Variants in ARFGEF1 observed in about 807,000 individuals in gnomAD.
The protein encoded by ARFGEF1 is brefeldin A-inhibited guanine nucleotide-exchange protein 1.
ARFGEF1 carries 42 observed loss-of-function variants against 231.0 expected under a neutral mutation model. The observed-to-expected ratio is 0.18, with a 90% CI of 0.14 to 0.24. The LOEUF (loss-of-function observed/expected upper bound fraction) is 0.24, where lower values mean the gene tolerates loss of function less well. ARFGEF1 is among the 10% of genes least tolerant of loss of function. The pLI is 1.00. For missense variants in ARFGEF1, 1,345 were observed against 2,192.0 expected, an observed-to-expected ratio of 0.61 and a Z score of 7.72; for synonymous variants, 710 against 732.3, an observed-to-expected ratio of 0.97 and a Z score of 0.49.
chr8:67,262,095 G>C (rs1804647893), intron 14 of ARFGEF1, among the ~76,000 whole-genome samples: 1 of 152,156 alleles, frequency 6.6e-6, no homozygotes, highest in Admixed American at 6.5e-5. Context: ...AGATACTTCT[G>C]TTGAATCTGG....
intron 5 of ARFGEF1, among the ~76,000 whole-genome samples, chr8:67,296,028 G>A (rs1806217659): frequency 6.6e-6 from 1 of 152,092 alleles, no homozygotes; most frequent in African/African-American, 2.4e-5. Context: ...TTATCATACA[G>A]GGGAAAAAAC....
chr8:67,229,274 T>C (rs1305191448), intron 23 of ARFGEF1, among the ~76,000 whole-genome samples: 2 of 152,034 alleles, frequency 1.3e-5, no homozygotes, highest in Non-Finnish European at 2.9e-5. Context: ...CAGGACAGGG[T>C]GATTACAGTC....
At chr8:67,222,162 T>C (rs1021613575) in intron 29 of ARFGEF1, among the ~76,000 whole-genome samples, 34 of 133,834 alleles carry the variant, frequency 2.5e-4, no homozygotes, top group Non-Finnish European at 7.6e-5. Context: ...ACCTTTTCCA[T>C]GCATATATAT....
chr8:67,195,039 A>G (rs1451394606), downstream of ARFGEF1, among the ~76,000 whole-genome samples: 1 of 152,246 alleles, frequency 6.6e-6, no homozygotes, highest in Non-Finnish European at 1.5e-5. Flanking sequence ...TCCTGAGGTA[A>G]CAGTTACAAA....
intron 1 of ARFGEF1, among the ~76,000 whole-genome samples, chr8:67,328,906 G>C (rs1168241295): frequency 6.6e-6 from 1 of 152,150 alleles, no homozygotes; most frequent in Non-Finnish European, 1.5e-5. Flanking sequence ...AAAAAGGAAT[G>C]GAAATACTGT....
rs762123914 is a variant in ARFGEF1, at chr8:67,343,154, C to A, written c.124+10G>T. 1.2e-6 allele frequency: 2 copies of A among 1,603,726 alleles called. No homozygotes were observed. Among genetic ancestry groups the A allele is most frequent in the Non-Finnish European group, 1.7e-6 (2 of 1,175,728 alleles). On this transcript the variant is annotated intron_variant, in intron 1 of 38. Coordinates refer to ENST00000262215, the MANE Select transcript of ARFGEF1 (RefSeq NM_006421.5). ...AAGCACCCCATCCCCCGGGCCTCCT[C>A]CCCGCTCACCTAACGCCACCTCGCA...
At chr8:67,237,699 G>C (rs544272442) in intron 22 of ARFGEF1, among the ~76,000 whole-genome samples, 1 of 152,262 alleles carries the variant, frequency 6.6e-6, no homozygotes, top group South Asian at 2.1e-4. Flanking sequence ...TGCAAAAGCA[G>C]AAATTGAATC....
chr8:67,228,539 C>T (rs1038483277), intron 23 of ARFGEF1, among the ~76,000 whole-genome samples: 1 of 151,802 alleles, frequency 6.6e-6, no homozygotes, highest in Non-Finnish European at 1.5e-5. Context: ...TTACAAACCC[C>T]GGATAGATAT....
intron 22 of ARFGEF1, among the ~76,000 whole-genome samples, chr8:67,238,062 C>T (rs954249168): frequency 1.3e-5 from 2 of 152,186 alleles, no homozygotes; most frequent in Non-Finnish European, 2.9e-5. Context: ...AGCTTTCACA[C>T]ATTCAAGTTA....
At chr8:67,295,344 T>C (rs1339196283) in intron 5 of ARFGEF1, among the ~76,000 whole-genome samples, 1 of 152,126 alleles carries the variant, frequency 6.6e-6, no homozygotes, top group Non-Finnish European at 1.5e-5. Flanking sequence ...ACTAACTTCA[T>C]AGTGGAGGAA....
intron 1 of ARFGEF1, among the ~76,000 whole-genome samples, chr8:67,327,141 C>A (rs2128930722): frequency 6.6e-6 from 1 of 152,192 alleles, no homozygotes; most frequent in Non-Finnish European, 1.5e-5. Context: ...CAGCAACCTT[C>A]TTCCTTGATT....
At chr8:67,225,093 C>T (rs111852482) in intron 28 of ARFGEF1, 60 bp from the exon 29 acceptor site, 2 of 1,380,846 alleles carry the variant, frequency 1.4e-6, no homozygotes, top group Non-Finnish European at 9.6e-7. Flanking sequence ...ATTCAGTATA[C>T]TAACTTCTCA....
chr8:67,240,280 G>A lies in ARFGEF1; in HGVS notation c.2861C>T (p.Thr954Met), dbSNP rs746403844. Residue 954 changes from threonine (T) to methionine (M), a missense_variant, in exon 20 of 39, where the codon ACG becomes ATG. Around this residue, in one of 14 missense-constraint regions of ARFGEF1, gnomAD observed 146 missense variants for 321.4 expected, o/e 0.45. Coordinates refer to ENST00000262215, the MANE Select transcript of ARFGEF1 (RefSeq NM_006421.5). ...HVRPMFKLAW[T>M]PFLAAFSVGL... is the part of the protein sequence containing the mutation. ...CACACTGAATGCAGCCAGAAAAGGC[G>A]TCCAAGCCAACTACAAAAATTAAAA... The A allele has an allele frequency of 6.3e-7, 1 of 1,590,278 alleles. No homozygotes were observed.
chr8:67,222,164 C>CATATATATATATATATACACATATATAT, intron 29 of ARFGEF1, among the ~76,000 whole-genome samples: 1 of 119,148 alleles, frequency 8.4e-6, no homozygotes, highest in South Asian at 2.7e-4. Flanking sequence ...CTTTTCCATG[C>CATATATATATATATATACACATATATAT]ATATATATAT....
chr8:67,253,349 A>T (rs1341486379), intron 18 of ARFGEF1, 102 bp downstream of exon 18: 4 of 747,558 alleles, frequency 5.4e-6, no homozygotes, highest in Admixed American at 3.7e-5. Flanking sequence ...GTAGCTGGGG[A>T]CTATAAATGC....
In ARFGEF1 at chr8:67,228,252, T is replaced by C. The variant is rs1331898835; in HGVS notation, c.3393A>G (p.Gly1131=). The C allele has an allele frequency of 1.2e-6, 2 of 1,609,552 alleles. No homozygotes were observed. The highest frequency in any genetic ancestry group is 1.7e-6 in the Non-Finnish European group (2 of 1,177,268). The part of the protein sequence containing the change: ...VVVAVDRIFT[G]STRLDGNAIV... Reference sequence around the variant, plus strand: ...TGGCATTTCCATCTAGCCTTGTAGATCCTGTGAATATTCTAGGGAAAATAA... The same window carrying C: ...TGGCATTTCCATCTAGCCTTGTAGACCCTGTGAATATTCTAGGGAAAATAA... Residue 1131 remains glycine (G), a synonymous_variant, in exon 24 of 39, where the codon GGA becomes GGG. Transcript: ENST00000262215.
At chr8:67,216,763 A>G (rs1345546124) in intron 32 of ARFGEF1, 101 bp from the exon 33 acceptor site, 1 of 816,558 alleles carries the variant, frequency 1.2e-6, no homozygotes, top group Non-Finnish European at 1.9e-6. Flanking sequence ...GAACATACCA[A>G]CTAAACAGTC....
In ARFGEF1 at chr8:67,343,515, G is replaced by A; in HGVS notation, c.-228C>T. Reference sequence around the variant, plus strand: ...CCGCCCCCAAGAAGCCGTACCTCGAGGGCCGCGCCCGTCGGGCCTCCGCTT... The same window carrying A: ...CCGCCCCCAAGAAGCCGTACCTCGAAGGCCGCGCCCGTCGGGCCTCCGCTT... On this transcript the variant is annotated 5_prime_UTR_variant, in exon 1 of 39. Coordinates refer to ENST00000262215, the MANE Select transcript of ARFGEF1 (RefSeq NM_006421.5). 5.8e-6 allele frequency: 7 copies of A among 1,203,964 alleles called. No homozygotes were observed. Among genetic ancestry groups the A allele is most frequent in the Non-Finnish European group, 6.2e-6 (6 of 967,072 alleles). 74.6% of individuals were successfully genotyped at this position (1,203,964 alleles called of 1,614,324 possible).
At chr8:67,222,885 CTGTTTAGATA>C (rs1242398298) in intron 29 of ARFGEF1, among the ~76,000 whole-genome samples, 6 of 152,156 alleles carry the variant, frequency 3.9e-5, no homozygotes, top group African/African-American at 1.4e-4. Flanking sequence ...TGCACCCAGC[CTGTTTAGATA>C]TGTTTAGATA....
Sources: allele counts gnomAD v4.1 joint callset (sites outside exome capture counted in the v4.1 genomes callset), GRCh38; gene constraint gnomAD v4.1.1; regional missense constraint gnomAD v4.1.1; transcripts MANE v1.5; gene names NCBI Gene and HGNC (gene_info 2026-07-23, HGNC 2026-07-21).